EPB41L2: variants seen among roughly 807,000 people sequenced by gnomAD.
EPB41L2 encodes erythrocyte membrane protein band 4.1 like 2.
EPB41L2 carries 43 observed loss-of-function variants against 113.0 expected under a neutral mutation model. The observed-to-expected ratio is 0.38, with a 90% confidence interval of 0.30 to 0.49. The LOEUF (loss-of-function observed/expected upper bound fraction) is 0.49. Among genes scored for constraint, EPB41L2 ranks in the 20% least tolerant of loss-of-function variants. EPB41L2 has a pLI of 0.95. For synonymous variants in EPB41L2, 442 were observed against 436.7 expected (o/e 1.01, Z -0.15); for missense variants, 1,147 against 1,223.4 (o/e 0.94, Z 0.93).
intron 19 of EPB41L2, among the ~76,000 whole-genome samples, chr6:130,842,390 T>C (rs1775789625): frequency 6.6e-6 from 1 of 152,174 alleles, no homozygotes; most frequent in African/African-American, 2.4e-5. Context: ...TGGATACAAT[T>C]ACCAATCAAA....
intron 10 of EPB41L2, 148 bp downstream of exon 10, chr6:130,894,194 GAA>G: frequency 1.6e-6 from 1 of 626,876 alleles, no homozygotes; most frequent in Non-Finnish European, 2.8e-6. Context: ...TTCTTTCTTA[GAA>G]AAAAAGAGAG....
chr6:131,013,880 T>C (rs1287061787), intron 1 of EPB41L2, among the ~76,000 whole-genome samples: 3 of 152,180 alleles, frequency 2.0e-5, no homozygotes, highest in African/African-American at 7.2e-5. Flanking sequence ...GCTCATAAAG[T>C]GTGCCACACC....
chr6:131,050,389 G>A (rs1796285407), intron 1 of EPB41L2, among the ~76,000 whole-genome samples: 1 of 152,094 alleles, frequency 6.6e-6, no homozygotes, highest in African/African-American at 2.4e-5. Flanking sequence ...ATACTCTGGG[G>A]AAATACTTTC....
chr6:130,908,049 C>T lies in EPB41L2; in HGVS notation c.853+772G>A, dbSNP rs543981894. On this transcript the variant is annotated intron_variant, in intron 5 of 19. Transcript: ENST00000337057. ...TCTCTGCTTCAGTCATTCACAGACC[C>T]TGAAGTAAATTAAGTATCCAGATCC... Among the ~76,000 whole-genome samples, 20 of 152,244 alleles carry T rather than the reference C, an allele frequency of 1.3e-4. No homozygotes were observed. The South Asian group carries it at 3.5e-3, about 27-fold the overall frequency.
Position 130,873,028 on chromosome 6 carries a change from C to T in EPB41L2, c.2044-2902G>A, listed in dbSNP as rs115474141. On this transcript the variant is annotated intron_variant, in intron 14 of 19. Transcript: ENST00000337057. ...TCCCTGAGGCCCACTTCATAGTCTG[C>T]ATTTTCTGTAAGGCCTTCCCTCACC... Among the ~76,000 whole-genome samples, 248 of 152,262 alleles carry T rather than the reference C, an allele frequency of 1.6e-3. 1 individual carries two copies. The highest frequency in any genetic ancestry group is 5.6e-3 in the African/African-American group (234 of 41,544).
At chr6:131,006,160 G>A (rs376794022) in intron 1 of EPB41L2, among the ~76,000 whole-genome samples, 8 of 151,766 alleles carry the variant, frequency 5.3e-5, no homozygotes, top group South Asian at 2.1e-4. Context: ...AGGTTCAAGC[G>A]ATTCTCATGC....
At chr6:131,037,585 A>ATTTTTTTTTTTTTTT (rs10685424) in intron 1 of EPB41L2, among the ~76,000 whole-genome samples, 1 of 122,674 alleles carries the variant, frequency 8.2e-6, no homozygotes, top group African/African-American at 3.1e-5. Context: ...AAAACCTAAA[A>ATTTTTTTTTTTTTTT]TTTTTTTTTT....
At chr6:130,985,653 A>C (rs1584276635) in intron 1 of EPB41L2, among the ~76,000 whole-genome samples, 1 of 152,206 alleles carries the variant, frequency 6.6e-6, no homozygotes, top group Non-Finnish European at 1.5e-5. Flanking sequence ...TGACCTGGGC[A>C]GTGAAATGAC....
intron 18 of EPB41L2, among the ~76,000 whole-genome samples, chr6:130,860,406 T>C (rs1781648960): frequency 6.6e-6 from 1 of 152,260 alleles, no homozygotes; most frequent in Non-Finnish European, 1.5e-5. Context: ...CAAAATCAGT[T>C]TGTTAAAACT....
chr6:130,900,353 TATC>T lies in EPB41L2; in HGVS notation c.1148+606_1148+608del, dbSNP rs199603092. 8.1e-4 allele frequency among the ~76,000 whole-genome samples: 123 copies of T among 152,346 alleles called. 1 individual carries two copies. In the East Asian group the frequency reaches 0.02, roughly 25 times the overall value. ...TGTAATTTTGCAATATAGAACAAATTATCATTTTGTAGCTAGCGTTATAAAAAT... is the reference window on the plus strand; with the variant it reads ...TGTAATTTTGCAATATAGAACAAATTATTTTGTAGCTAGCGTTATAAAAAT... On this transcript the variant is annotated intron_variant, in intron 7 of 19. Coordinates refer to ENST00000337057, the MANE Select transcript of EPB41L2 (RefSeq NM_001431.4).
intron 1 of EPB41L2, among the ~76,000 whole-genome samples, chr6:130,971,209 CCTAA>C (rs1325802115): frequency 6.6e-6 from 1 of 152,132 alleles, no homozygotes; most frequent in Non-Finnish European, 1.5e-5. Context: ...CCTGTTACAT[CCTAA>C]CTAAGCACTT....
intron 19 of EPB41L2, among the ~76,000 whole-genome samples, chr6:130,851,466 A>G (rs974301280): frequency 6.6e-5 from 10 of 152,206 alleles, no homozygotes; most frequent in African/African-American, 2.4e-4. Flanking sequence ...AACGGGTGGG[A>G]TGTCTAAGAG....
chr6:130,967,332 C>T (rs1174813800), intron 1 of EPB41L2, among the ~76,000 whole-genome samples: 1 of 152,094 alleles, frequency 6.6e-6, no homozygotes, highest in African/African-American at 2.4e-5. Context: ...TGGACCTATG[C>T]AGTGTGGGCT....
At chr6:130,877,046 T>TAC (rs1232218031) in intron 14 of EPB41L2, among the ~76,000 whole-genome samples, 1 of 152,188 alleles carries the variant, frequency 6.6e-6, no homozygotes, top group Non-Finnish European at 1.5e-5. Flanking sequence ...CATAAGACTC[T>TAC]ACCAAGCATG....
At chr6:130,860,914 G>C (rs1194303414) in intron 18 of EPB41L2, among the ~76,000 whole-genome samples, 2 of 152,066 alleles carry the variant, frequency 1.3e-5, no homozygotes, top group African/African-American at 4.8e-5. Flanking sequence ...CCTCTCCTTG[G>C]TATGGAGCTG....
chr6:130,879,359 CTGTACAGCATTTTAG>C (rs1372365170), intron 13 of EPB41L2, among the ~76,000 whole-genome samples: 1 of 152,178 alleles, frequency 6.6e-6, no homozygotes, highest in African/African-American at 2.4e-5. Context: ...ACTTATTACA[CTGTACAGCATTTTAG>C]TAAGTTAAGC....
intron 4 of EPB41L2, among the ~76,000 whole-genome samples, chr6:130,913,847 AAGG>A (rs1800152496): frequency 6.6e-6 from 1 of 152,202 alleles, no homozygotes; most frequent in Non-Finnish European, 1.5e-5. Context: ...TTTGACACTT[AAGG>A]AGGAGGGTTG....
intron 3 of EPB41L2, among the ~76,000 whole-genome samples, chr6:130,946,678 C>T (rs1812936869): frequency 6.6e-6 from 1 of 151,768 alleles, no homozygotes; most frequent in Non-Finnish European, 1.5e-5. Flanking sequence ...GATATAGACA[C>T]ATAAAATACA....
In EPB41L2 at chr6:130,954,040, C is replaced by CTTTTTTTTTTTTTTTTTTTT. The variant is rs780758511; in HGVS notation, c.705+1045_705+1064dup. On this transcript the variant is annotated intron_variant, in intron 3 of 19. Coordinates refer to ENST00000337057, the MANE Select transcript of EPB41L2 (RefSeq NM_001431.4). ...TCCTCTTTTGCTAGTCCTTTTCTTT[C>CTTTTTTTTTTTTTTTTTTTT]TTTTTTTTTTTTTTTTTTTTTTTTT... 1.6e-3 allele frequency among the ~76,000 whole-genome samples: 92 copies of CTTTTTTTTTTTTTTTTTTTT among 58,862 alleles called. 14 individuals carry two copies. Among genetic ancestry groups the CTTTTTTTTTTTTTTTTTTTT allele is most frequent in the South Asian group, 3.7e-3 (4 of 1,082 alleles). 38.6% of individuals were successfully genotyped at this position (58,862 alleles called of 152,430 possible).
Sources: gnomAD v4.1 joint callset for allele counts (sites outside exome capture counted in the v4.1 genomes callset) on GRCh38, gnomAD v4.1.1 for gene constraint, MANE v1.5 for transcripts, NCBI Gene and HGNC (gene_info 2026-07-23, HGNC 2026-07-21) for gene names.